HRH1: variants seen among roughly 807,000 people sequenced by gnomAD.
HRH1 encodes the protein histamine H1 receptor.
A neutral mutation model predicts 10.3 loss-of-function variants in HRH1; 6 were observed. The observed-to-expected ratio is 0.58, with a 90% CI of 0.32 to 1.15. The LOEUF is 1.15. Ranked by LOEUF, HRH1 falls within the 50% of genes most tolerant of loss-of-function variation. The pLI is 0.05. For missense variants in HRH1, 514 were observed against 615.3 expected (o/e 0.84, Z 1.74); for synonymous variants, 242 against 236.7 (o/e 1.02, Z -0.21).
chr3:11,239,140 A>T, intron 1 of HRH1, among the ~76,000 whole-genome samples: 1 of 152,168 alleles, frequency 6.6e-6, no homozygotes, highest in East Asian at 1.9e-4. Context: ...AGTGTTTCAG[A>T]GTTCTTCTTT....
chr3:11,241,211 C>T (rs1939327542), intron 1 of HRH1, among the ~76,000 whole-genome samples: 1 of 152,096 alleles, frequency 6.6e-6, no homozygotes, highest in Non-Finnish European at 1.5e-5. Context: ...GTTGATGTAA[C>T]ATAACAAAGA....
chr3:11,259,941 T>G lies in HRH1; in HGVS notation c.904T>G (p.Cys302Gly). 6.2e-7 allele frequency: 1 copy of G among 1,614,222 alleles called. No homozygotes were observed. Among genetic ancestry groups the G allele is most frequent in the Non-Finnish European group, 8.5e-7 (1 of 1,180,026 alleles). Reference protein sequence around the residue: ...EDDREVDKLYCFPLDIVHMQA... With the variant: ...EDDREVDKLYGFPLDIVHMQA... ...TGATAGAGAAGTAGACAAACTCTACTGCTTTCCACTTGATATTGTGCACAT... is the reference window on the plus strand; with the variant it reads ...TGATAGAGAAGTAGACAAACTCTACGGCTTTCCACTTGATATTGTGCACAT... The change falls in exon 2 of 2, where the codon TGC becomes GGC. Residue 302 changes from cysteine (C) to glycine (G), a missense_variant. Coordinates refer to ENST00000431010, the MANE Select transcript of HRH1 (RefSeq NM_001098212.2). This position sits in a 1 kb window ranked among gnomAD's most constrained non-coding sequence, Gnocchi z 4.6.
intron 1 of HRH1, among the ~76,000 whole-genome samples, chr3:11,247,683 G>T (rs1053319408): frequency 7.1e-6 from 1 of 140,238 alleles, no homozygotes; most frequent in East Asian, 1.9e-4. Flanking sequence ...AAAGCTTTTC[G>T]AAGAAGAATT....
chr3:11,138,760 C>T (rs2124990212), intron 1 of HRH1, among the ~76,000 whole-genome samples: 1 of 149,178 alleles, frequency 6.7e-6, no homozygotes, highest in East Asian at 2.0e-4. Context: ...CTGCAGCCTC[C>T]ATCTCCCAGG....
chr3:11,195,866 G>A (rs748580447), intron 1 of HRH1, among the ~76,000 whole-genome samples: 1 of 152,144 alleles, frequency 6.6e-6, no homozygotes, highest in Non-Finnish European at 1.5e-5. Context: ...GTTACTTCCT[G>A]TGTGTCTGAT....
intron 1 of HRH1, among the ~76,000 whole-genome samples, chr3:11,221,862 T>C (rs939866942): frequency 1.3e-5 from 2 of 152,198 alleles, no homozygotes; most frequent in East Asian, 1.9e-4. Context: ...CTTTCTCTGA[T>C]TGGCATATTT....
chr3:11,257,265 A>T lies in HRH1; in HGVS notation c.-35-1738A>T, dbSNP rs2152589272. Reference sequence around the variant, plus strand: ...GAGACTCTGTCCTAAAAAAAAAAAAAAAAAAAATGGCTGGGCGTGGTGCCT... The same window carrying T: ...GAGACTCTGTCCTAAAAAAAAAAAATAAAAAAATGGCTGGGCGTGGTGCCT... On this transcript the variant is annotated intron_variant, in intron 1 of 1. Coordinates refer to ENST00000431010, the MANE Select transcript of HRH1 (RefSeq NM_001098212.2). Among the ~76,000 whole-genome samples the T allele has an allele frequency of 2.7e-5, 4 of 147,536 alleles. No individual in the cohort carries two copies. In the South Asian group the frequency reaches 8.6e-4, roughly 32 times the overall value.
chr3:11,257,490 C>T (rs1575047500), intron 1 of HRH1, among the ~76,000 whole-genome samples: 1 of 150,178 alleles, frequency 6.7e-6, no homozygotes, highest in Non-Finnish European at 1.5e-5. Context: ...AATTTGGGAG[C>T]TGGAGATTGT....
At chr3:11,234,574 G>A (rs1939125442) in intron 1 of HRH1, 1 of 1,439,684 alleles carries the variant, frequency 6.9e-7, no homozygotes, top group Non-Finnish European at 9.8e-7. Context: ...CTCCTCGTAT[G>A]GATCGTTGGG....
intron 1 of HRH1, among the ~76,000 whole-genome samples, chr3:11,178,444 G>A (rs1433240350): frequency 2.0e-5 from 3 of 152,198 alleles, no homozygotes; most frequent in Admixed American, 2.0e-4. Flanking sequence ...AATCCCCTTG[G>A]ATCTCTTTAC....
intron 1 of HRH1, among the ~76,000 whole-genome samples, chr3:11,232,836 A>G (rs1442430420): frequency 6.6e-6 from 1 of 152,226 alleles, no homozygotes; most frequent in East Asian, 1.9e-4. Context: ...AGTCCTGTAC[A>G]AGTTCGTCTG....
At chr3:11,142,925 A>AAAGATTG (rs1936321410) in intron 1 of HRH1, among the ~76,000 whole-genome samples, 2 of 152,074 alleles carry the variant, frequency 1.3e-5, no homozygotes, top group Non-Finnish European at 2.9e-5. Flanking sequence ...GAAAAAAAAA[A>AAAGATTG]AAGATTGAAT....
chr3:11,239,774 C>A (rs1027243181), intron 1 of HRH1, among the ~76,000 whole-genome samples: 3 of 152,110 alleles, frequency 2.0e-5, no homozygotes, highest in Non-Finnish European at 4.4e-5. Flanking sequence ...TTTTAGCATT[C>A]CCAGAGGTGA....
intron 1 of HRH1, among the ~76,000 whole-genome samples, chr3:11,238,719 A>C (rs1239724508): frequency 6.6e-6 from 1 of 152,226 alleles, no homozygotes; most frequent in African/African-American, 2.4e-5. Flanking sequence ...GGCAACCACT[A>C]ATCTATTCTC....
At chr3:11,209,272 T>C (rs1938242232) in intron 1 of HRH1, among the ~76,000 whole-genome samples, 1 of 152,182 alleles carries the variant, frequency 6.6e-6, no homozygotes, top group African/African-American at 2.4e-5. Context: ...TTATATTTTT[T>C]GTAGAGGTAG....
In HRH1 at chr3:11,219,178, C is replaced by T. The variant is rs148337614; in HGVS notation, c.-35-39825C>T. Among the ~76,000 whole-genome samples the T allele has an allele frequency of 9.4e-3, 1,436 of 152,160 alleles. 18 individuals are homozygous for T. Among genetic ancestry groups the T allele is most frequent in the African/African-American group, 0.033 (1,374 of 41,516 alleles). ...TGCTGGGATTACAGGAGTGAGCGAC[C>T]GCGCCTGGCCTAAATTTTCTTATAA... On this transcript the variant is annotated intron_variant, in intron 1 of 1. Coordinates refer to ENST00000431010, the MANE Select transcript of HRH1 (RefSeq NM_001098212.2).
intron 1 of HRH1, among the ~76,000 whole-genome samples, chr3:11,238,514 A>T (rs1278919221): frequency 6.6e-6 from 1 of 152,240 alleles, no homozygotes. Context: ...CTCTTTCTTC[A>T]TCCACTGAAA....
intron 1 of HRH1, among the ~76,000 whole-genome samples, chr3:11,209,675 T>C (rs1938258747): frequency 6.6e-6 from 1 of 152,210 alleles, no homozygotes; most frequent in South Asian, 2.1e-4. Context: ...GGTGCCACCA[T>C]GGCCAGGCTC....
rs368283558 is a variant in HRH1 at position 11,257,627 on chromosome 3, G to T, written c.-35-1376G>T. The stretch of plus-strand genomic sequence containing the variant: ...AATACTTACTTTCACCCAACCACCC[G>T]ACTTGAGTATCACCAATAACAGAGG... On this transcript the variant is annotated intron_variant, in intron 1 of 1. Coordinates refer to ENST00000431010, the MANE Select transcript of HRH1 (RefSeq NM_001098212.2). 1.2e-3 allele frequency among the ~76,000 whole-genome samples: 176 copies of T among 151,804 alleles called. 1 individual carries two copies. The highest frequency in any genetic ancestry group is 4.1e-3 in the African/African-American group (168 of 41,386).
Sources: gnomAD v4.1 joint callset for allele counts (sites outside exome capture counted in the v4.1 genomes callset) on GRCh38, gnomAD v4.1.1 for gene constraint, Gnocchi (gnomAD v3.1) non-coding constraint, MANE v1.5 for transcripts, NCBI Gene and HGNC (gene_info 2026-07-23, HGNC 2026-07-21) for gene names.